The following DNAJB11 variants were observed in gnomAD, a reference collection of about 807,000 sequenced individuals.
DNAJB11 encodes dnaJ homolog subfamily B member 11.
Under a neutral mutation model 47.2 loss-of-function variants are expected in DNAJB11, and 30 were observed. The observed-to-expected ratio is 0.64, with a 90% CI of 0.48 to 0.86. The LOEUF (loss-of-function observed/expected upper bound fraction) is 0.86. DNAJB11 is among the 40% of genes least tolerant of loss of function. The pLI is 0.00. For missense variants in DNAJB11, 357 were observed against 440.2 expected, an observed-to-expected ratio of 0.81 and a Z score of 1.69; for synonymous variants, 151 against 159.9, an observed-to-expected ratio of 0.94 and a Z score of 0.42.
intron 2 of DNAJB11, among the ~76,000 whole-genome samples, chr3:186,572,746 A>G (rs1295786645): frequency 6.6e-6 from 1 of 152,254 alleles, no homozygotes; most frequent in Non-Finnish European, 1.5e-5. Context: ...TTCTGCCTCC[A>G]TATTGGGAAG....
At chr3:186,572,726 G>A (rs1218832345) in intron 2 of DNAJB11, among the ~76,000 whole-genome samples, 1 of 152,166 alleles carries the variant, frequency 6.6e-6, no homozygotes, top group Non-Finnish European at 1.5e-5. Flanking sequence ...TTAAAACATG[G>A]CAGCAGATAT....
At chr3:186,577,880 C>T (rs1715354922) in intron 4 of DNAJB11, 80 bp downstream of exon 4, 29 of 1,221,246 alleles carry the variant, frequency 2.4e-5, no homozygotes, top group South Asian at 7.1e-5. Context: ...TTATATGTAC[C>T]TTCTCTGTCT....
chr3:186,572,859 A>G (rs1715133463), intron 2 of DNAJB11, among the ~76,000 whole-genome samples: 1 of 152,246 alleles, frequency 6.6e-6, no homozygotes, highest in Admixed American at 6.5e-5. Context: ...TACAAATGCA[A>G]ACAGTATGTT....
rs745390980 is a variant in DNAJB11 at position 186,581,413 on chromosome 3, C to T, written c.499C>T (p.Arg167Trp). 6.8e-6 allele frequency: 11 copies of T among 1,613,846 alleles called. No individual in the cohort carries two copies. The highest frequency in any genetic ancestry group is 9.3e-6 in the Non-Finnish European group (11 of 1,179,952). The change falls in exon 5 of 10, where the codon CGG (arginine) becomes TGG (tryptophan). Residue 167 changes from arginine to tryptophan, a missense_variant. By Grantham distance (101) the Arg-to-Trp change is moderately radical (BLOSUM62 -3). Coordinates refer to ENST00000265028, the MANE Select transcript of DNAJB11 (RefSeq NM_016306.6). ...KPVARQAPGK[R>W]KCNCRQEMRT... ...TGTGGCAAGGCAGGCTCCTGGCAAA[C>T]GGAAGTGCAATTGTCGGCAAGAGAT...
intron 3 of DNAJB11, 44 bp from the exon 4 acceptor site, chr3:186,577,624 C>A: frequency 1.5e-6 from 2 of 1,354,530 alleles, no homozygotes; most frequent in Non-Finnish European, 1.9e-6. Flanking sequence ...AACATAGAGT[C>A]TTGATTTTTT....
rs1193511563 is a variant in DNAJB11 at position 186,584,413 on chromosome 3, TC to T, written c.853-14del. ...ATGTACCGCTCCTGCTGCAGTACATTCCCTTTGGTTTTCTAGGTACATATTT... is the reference window on the plus strand; with the variant it reads ...ATGTACCGCTCCTGCTGCAGTACATTCCTTTGGTTTTCTAGGTACATATTT... On this transcript the variant is annotated splice_polypyrimidine_tract_variant and intron_variant, in intron 8 of 9. Coordinates refer to ENST00000265028, the MANE Select transcript of DNAJB11 (RefSeq NM_016306.6). 2.0e-6 allele frequency: 3 copies of T among 1,535,132 alleles called. No individual in the cohort carries two copies. The highest frequency in any genetic ancestry group is 1.4e-5 in the African/African-American group (1 of 70,954).
Position 186,570,965 on chromosome 3 carries a change from G to A in DNAJB11, c.68G>A (p.Gly23Glu), listed in dbSNP as rs1392997676. 3 of 1,589,918 alleles carry A rather than the reference G, an allele frequency of 1.9e-6. No homozygotes were observed. The highest frequency in any genetic ancestry group is 1.3e-5 in the African/African-American group (1 of 74,104). ...TACCTCATCGGGGCGGTGATTGCCG[G>A]GTGAGGAACAGACACTCGCAGACAA... ...LLYLIGAVIA[G>E]RDFYKILGVP... Residue 23 changes from glycine (G) to glutamate (E), a missense_variant and splice_region_variant, in exon 1 of 10, where the codon GGA (glycine) becomes GAA (glutamate). Coordinates refer to ENST00000265028, the MANE Select transcript of DNAJB11 (RefSeq NM_016306.6).
Position 186,573,792 on chromosome 3 carries a change from A to G in DNAJB11, c.225+1541A>G, listed in dbSNP as rs144129920. Among the ~76,000 whole-genome samples, 176 of 152,298 alleles carry G rather than the reference A, an allele frequency of 1.2e-3. 1 individual carries two copies. The highest frequency in any genetic ancestry group is 4.1e-3 in the African/African-American group (169 of 41,564). ...GTTTCTTGTTGATAATATGCATTCT[A>G]TATTTTGCACTGTATTTTCCATGAA... On this transcript the variant is annotated intron_variant, in intron 2 of 9. Coordinates refer to ENST00000265028, the MANE Select transcript of DNAJB11 (RefSeq NM_016306.6).
chr3:186,572,350 TA>T (rs1560234102), intron 2 of DNAJB11, 99 bp downstream of exon 2: 18 of 1,164,758 alleles, frequency 1.5e-5, no homozygotes, highest in African/African-American at 7.8e-5. Flanking sequence ...TTTATTTATT[TA>T]TTTATTTATT....
intron 3 of DNAJB11, among the ~76,000 whole-genome samples, chr3:186,576,798 A>G (rs1484300376): frequency 6.6e-6 from 1 of 152,092 alleles, no homozygotes; most frequent in Non-Finnish European, 1.5e-5. Context: ...GGCTGAAGTG[A>G]TCCCTAGGGA....
In DNAJB11 at chr3:186,570,940, T is replaced by TACC; in HGVS notation, c.44_46dup (p.Tyr15_Leu16insHis). The TACC allele has an allele frequency of 6.4e-7, 1 of 1,568,818 alleles. No individual in the cohort carries two copies. The highest frequency in any genetic ancestry group is 1.1e-5 in the South Asian group (1 of 88,368). On this transcript the variant is annotated inframe_insertion, in exon 1 of 10. Coordinates refer to ENST00000265028, the MANE Select transcript of DNAJB11 (RefSeq NM_016306.6). ...GAGCACCTTTTGCCTGTTGCTGCTA[T>TACC]ACCTCATCGGGGCGGTGATTGCCGG... is the stretch of plus-strand genomic sequence containing the variant.
In DNAJB11 at chr3:186,581,976, T is replaced by C; in HGVS notation, c.600-19T>C. 1 of 1,594,796 alleles carries C rather than the reference T, an allele frequency of 6.3e-7. No homozygotes were observed. The highest frequency in any genetic ancestry group is 1.1e-5 in the South Asian group (1 of 89,666). ...ATATTTTCATTATTTTTCTCCTCTT[T>C]TAATTCTCTTTACCTCAGACTAGTG... On this transcript the variant is annotated intron_variant, in intron 5 of 9. Coordinates refer to ENST00000265028, the MANE Select transcript of DNAJB11 (RefSeq NM_016306.6).
chr3:186,585,445 A>C lies in DNAJB11; in HGVS notation c.*37A>C. ...ATTGGACTTTGTTTAAAATAAGTGA[A>C]TAAGCGATATTTATTATCTGCAAGG... On this transcript the variant is annotated 3_prime_UTR_variant, in exon 10 of 10. Transcript: ENST00000265028. 1 of 1,492,568 alleles carries C rather than the reference A, an allele frequency of 6.7e-7. No homozygotes were observed. The allele number at this position is 1,492,568 out of a possible 1,614,324, so 92.5% of individuals were successfully genotyped here.
intron 2 of DNAJB11, among the ~76,000 whole-genome samples, chr3:186,574,330 A>G (rs61132455): frequency 0.27 from 40,435 of 152,110 alleles, 6,766 homozygotes; most frequent in African/African-American, 0.47. Flanking sequence ...TGATGTCTAA[A>G]AAGAAACTGA....
intron 4 of DNAJB11, 100 bp from the exon 5 acceptor site, chr3:186,581,271 A>C: frequency 7.5e-7 from 1 of 1,336,982 alleles, no homozygotes; most frequent in African/African-American, 1.5e-5. Flanking sequence ...AGAGAAGGGG[A>C]AGTTTCAGTC....
At chr3:186,574,147 A>G (rs1159897288) in intron 2 of DNAJB11, among the ~76,000 whole-genome samples, 1 of 152,238 alleles carries the variant, frequency 6.6e-6, no homozygotes, top group African/African-American at 2.4e-5. Context: ...CTGGCATTTT[A>G]ATTACTTGAG....
rs1257132616 is a variant in DNAJB11, at chr3:186,585,370, T to C, written c.1039T>C (p.Ser347Pro). 6.2e-7 allele frequency: 1 copy of C among 1,612,432 alleles called. No individual in the cohort carries two copies. The highest frequency in any genetic ancestry group is 1.1e-5 in the South Asian group (1 of 90,718). Residue 347 changes from serine (S) to proline (P), a missense_variant, in exon 10 of 10, where the codon TCA becomes CCA. Transcript: ENST00000265028. ...EGIKQLLKQG[S>P]VQKVYNGLQG... The stretch of plus-strand genomic sequence containing the variant: ...TATCAAACAGCTACTGAAACAAGGG[T>C]CAGTGCAGAAGGTATACAATGGACT...
Position 186,582,012 on chromosome 3 carries a change from G to T in DNAJB11, c.617G>T (p.Arg206Leu). Residue 206 changes from arginine to leucine, a missense_variant, in exon 6 of 10, where the codon CGA becomes CTA. By Grantham distance (102) the Arg-to-Leu change is moderately radical. Transcript: ENST00000265028. ...TACCTCAGACTAGTGAATGAAGAAC[G>T]AACGCTGGAAGTAGAAATAGAGCCT... ...CPNVKLVNEE[R>L]TLEVEIEPGV... is the part of the protein sequence containing the mutation. 1 of 1,613,456 alleles carries T rather than the reference G, an allele frequency of 6.2e-7. No individual in the cohort carries two copies. The highest frequency in any genetic ancestry group is 1.1e-5 in the South Asian group (1 of 90,986).
intron 8 of DNAJB11, 116 bp from the exon 9 acceptor site, chr3:186,584,314 T>G: frequency 9.5e-7 from 1 of 1,057,554 alleles, no homozygotes; most frequent in Middle Eastern, 2.4e-4. Flanking sequence ...TGCTCCTTCA[T>G]TCTTTCTTTT....
Sources: allele counts gnomAD v4.1 joint callset (sites outside exome capture counted in the v4.1 genomes callset), GRCh38; gene constraint gnomAD v4.1.1; transcripts MANE v1.5; gene names NCBI Gene and HGNC (gene_info 2026-07-23, HGNC 2026-07-21).